Variants in NRG1 observed in about 807,000 individuals in gnomAD.
NRG1 encodes pro-neuregulin-1, membrane-bound isoform.
A neutral mutation model predicts 63.8 loss-of-function variants in NRG1; 18 were observed. The observed-to-expected ratio is 0.28, with a 90% confidence interval of 0.19 to 0.42. NRG1 has a LOEUF of 0.42. NRG1 is among the 10% of genes least tolerant of loss of function. NRG1 has a pLI of 1.00. For synonymous variants in NRG1, 302 were observed against 301.3 expected (o/e 1.00, Z -0.02); for missense variants, 762 against 814.7 (o/e 0.94, Z 0.79).
At chr8:32,436,678 T>C (rs1818832363) in intron 1 of NRG1, among the ~76,000 whole-genome samples, 1 of 152,184 alleles carries the variant, frequency 6.6e-6, no homozygotes, top group Admixed American at 6.6e-5. Flanking sequence ...GTCGTTGGTC[T>C]GTCAAGATGA....
intron 1 of NRG1, among the ~76,000 whole-genome samples, chr8:32,174,320 A>G (rs1840434732): frequency 6.6e-6 from 1 of 152,204 alleles, no homozygotes; most frequent in African/African-American, 2.4e-5. Context: ...AATCTCTGGG[A>G]CACATTCAAA....
chr8:32,079,248 T>C (rs1827080769), intron 1 of NRG1, among the ~76,000 whole-genome samples: 1 of 152,002 alleles, frequency 6.6e-6, no homozygotes, highest in South Asian at 2.1e-4. Context: ...CTAAGAGTAT[T>C]TGTGGTTAGT....
At chr8:32,003,329 A>G (rs1813248704) in intron 1 of NRG1, among the ~76,000 whole-genome samples, 2 of 152,090 alleles carry the variant, frequency 1.3e-5, no homozygotes, top group Non-Finnish European at 2.9e-5. Flanking sequence ...CTATCAATCA[A>G]TTTGTTCTAA....
chr8:32,319,622 A>G (rs1397967091), intron 1 of NRG1, among the ~76,000 whole-genome samples: 3 of 152,198 alleles, frequency 2.0e-5, no homozygotes, highest in Non-Finnish European at 4.4e-5. Flanking sequence ...CACTCCAGGT[A>G]ACACCCATGA....
chr8:32,312,513 C>T (rs1051365326), intron 1 of NRG1, among the ~76,000 whole-genome samples: 2 of 151,732 alleles, frequency 1.3e-5, no homozygotes, highest in Non-Finnish European at 2.9e-5. Flanking sequence ...AGTCCCTCTG[C>T]AAGTTAACCT....
At chr8:31,811,553 A>G (rs564007851) in intron 1 of NRG1, among the ~76,000 whole-genome samples, 26 of 152,216 alleles carry the variant, frequency 1.7e-4, no homozygotes, top group African/African-American at 4.1e-4. Flanking sequence ...CTTTGCCTCT[A>G]TTGTATGTTA....
intron 5 of NRG1, among the ~76,000 whole-genome samples, chr8:32,635,124 G>A (rs1253304557): frequency 6.6e-6 from 1 of 152,144 alleles, no homozygotes; most frequent in East Asian, 1.9e-4. Flanking sequence ...TTCAAATCAT[G>A]CCTTCACTTT....
chr8:31,696,213 T>C (rs1022599843), intron 1 of NRG1, among the ~76,000 whole-genome samples: 1 of 152,190 alleles, frequency 6.6e-6, no homozygotes, highest in East Asian at 1.9e-4. Context: ...ATTACAGGCA[T>C]GTGCCATCAT....
At chr8:32,057,868 A>G (rs1586794197) in intron 1 of NRG1, among the ~76,000 whole-genome samples, 2 of 152,098 alleles carry the variant, frequency 1.3e-5, no homozygotes, top group African/African-American at 2.4e-5. Flanking sequence ...CCTTACCCTC[A>G]GGTTCCCAGT....
intron 1 of NRG1, among the ~76,000 whole-genome samples, chr8:31,942,294 C>A (rs1801870641): frequency 6.6e-6 from 1 of 152,090 alleles, no homozygotes; most frequent in Non-Finnish European, 1.5e-5. Flanking sequence ...GGAAAGGACA[C>A]CCTATTCAAC....
chr8:32,099,712 C>G (rs1408947140), intron 1 of NRG1: 1 of 152,162 alleles, frequency 6.6e-6, no homozygotes, highest in Admixed American at 6.6e-5. Flanking sequence ...CACAGGCCAG[C>G]CAGGACCTCA....
chr8:32,349,868 A>G (rs1438615558), intron 1 of NRG1, among the ~76,000 whole-genome samples: 1 of 152,200 alleles, frequency 6.6e-6, no homozygotes, highest in African/African-American at 2.4e-5. Context: ...TCTTCCAGTG[A>G]TGATCCAGCT....
At chr8:32,186,548 C>G (rs938784448) in intron 1 of NRG1, among the ~76,000 whole-genome samples, 1 of 151,546 alleles carries the variant, frequency 6.6e-6, no homozygotes, top group African/African-American at 2.4e-5. Context: ...AATTTCAACA[C>G]ATATTACAGT....
intron 1 of NRG1, among the ~76,000 whole-genome samples, chr8:32,239,203 A>G (rs79051466): frequency 6.6e-6 from 1 of 152,180 alleles, no homozygotes; most frequent in East Asian, 1.9e-4. Context: ...TTTAAAACAG[A>G]GACAAACAAA....
At position 32,205,935 on chromosome 8, in the gene NRG1, CAAA is replaced by C. The variant is rs5890627; in HGVS notation, c.38-389878_38-389876del. On this transcript the variant is annotated intron_variant, in intron 1 of 10. Coordinates refer to the NRG1 transcript ENST00000519301. ...GCAGCACACCAAGACCATCTCTCTACAAAAAAAAAAAAAAAAATACAAATTAGC... is the reference window on the plus strand; with the variant it reads ...GCAGCACACCAAGACCATCTCTCTACAAAAAAAAAAAAAATACAAATTAGC... Among the ~76,000 whole-genome samples the C allele has an allele frequency of 1.4e-3, 188 of 131,790 alleles. 2 individuals are homozygous for C. The highest frequency in any genetic ancestry group is 3.4e-3 in the East Asian group (14 of 4,156). 86.5% of individuals were successfully genotyped at this position (131,790 alleles called of 152,430 possible).
At chr8:32,280,731 C>T (rs1586594836) in intron 1 of NRG1, among the ~76,000 whole-genome samples, 2 of 62,176 alleles carry the variant, frequency 3.2e-5, no homozygotes, top group Non-Finnish European at 6.6e-5. Context: ...AACCATGAAT[C>T]ACATTTTATT....
intron 1 of NRG1, among the ~76,000 whole-genome samples, chr8:31,939,505 A>G (rs781405772): frequency 1.4e-5 from 2 of 147,454 alleles, no homozygotes; most frequent in Non-Finnish European, 3.0e-5. Flanking sequence ...AACACAATGA[A>G]AAAAAAAAAC....
chr8:31,639,367 G>T, exon 1 of NRG1: 2 of 1,534,120 alleles, frequency 1.3e-6, no homozygotes, highest in Non-Finnish European at 1.7e-6. Context: ...GGACCCACTC[G>T]CGGGTCCCGC....
At chr8:31,644,758 T>C (rs1804131482) in intron 1 of NRG1, among the ~76,000 whole-genome samples, 1 of 152,158 alleles carries the variant, frequency 6.6e-6, no homozygotes, top group African/African-American at 2.4e-5. Context: ...TTTACAACCC[T>C]CTTGTACATT....
Sources: gnomAD v4.1 joint callset for allele counts (sites outside exome capture counted in the v4.1 genomes callset) on GRCh38, gnomAD v4.1.1 for gene constraint, MANE v1.5 for transcripts, NCBI Gene and HGNC (gene_info 2026-07-23, HGNC 2026-07-21) for gene names.